Variants in PRCP observed in about 807,000 individuals in gnomAD.
The protein encoded by PRCP is prolylcarboxypeptidase.
Under a neutral mutation model 54.2 loss-of-function variants are expected in PRCP, and 46 were observed. The observed-to-expected ratio is 0.85, with a 90% CI of 0.67 to 1.09. The LOEUF (loss-of-function observed/expected upper bound fraction) is 1.09, where lower values mean the gene tolerates loss of function less well. Among genes scored for constraint, PRCP ranks in the 50% least tolerant of loss-of-function variants. The pLI is 0.00. For missense variants in PRCP, 613 were observed against 596.8 expected (o/e 1.03, Z -0.28); for synonymous variants, 240 against 212.2 (o/e 1.13, Z -1.14).
intron 6 of PRCP, among the ~76,000 whole-genome samples, chr11:82,846,779 T>C (rs898391864): frequency 3.9e-4 from 59 of 152,224 alleles, no homozygotes; most frequent in African/African-American, 1.4e-3. Flanking sequence ...TTTATTCACA[T>C]GTAAGACTGA....
At chr11:82,889,869 G>C (rs1859963063) in intron 1 of PRCP, among the ~76,000 whole-genome samples, 1 of 152,198 alleles carries the variant, frequency 6.6e-6, no homozygotes, top group Admixed American at 6.5e-5. Context: ...TCAACTGGAG[G>C]AGAGGTGATT....
At chr11:82,891,733 C>T (rs1860013149) in intron 1 of PRCP, among the ~76,000 whole-genome samples, 1 of 152,118 alleles carries the variant, frequency 6.6e-6, no homozygotes, top group Non-Finnish European at 1.5e-5. Flanking sequence ...TTCCCCATGC[C>T]TAGAATGCTC....
At chr11:82,843,639 G>T (rs1301623407) in intron 6 of PRCP, among the ~76,000 whole-genome samples, 1 of 152,070 alleles carries the variant, frequency 6.6e-6, no homozygotes, top group African/African-American at 2.4e-5. Flanking sequence ...TATTTATTTT[G>T]TGAGCCCTAG....
chr11:82,859,883 G>C, intron 2 of PRCP, 94 bp downstream of exon 2: 2 of 1,226,108 alleles, frequency 1.6e-6, no homozygotes, highest in Non-Finnish European at 1.1e-6. Flanking sequence ...ATTAAGAACA[G>C]CAATGTTTGG....
At chr11:82,845,315 G>A (rs544725418) in intron 6 of PRCP, among the ~76,000 whole-genome samples, 1 of 151,870 alleles carries the variant, frequency 6.6e-6, no homozygotes, top group South Asian at 2.1e-4. Flanking sequence ...CTACCTATGA[G>A]AGTACACATT....
chr11:82,876,220 G>T (rs1032708888), intron 1 of PRCP, among the ~76,000 whole-genome samples: 3 of 152,156 alleles, frequency 2.0e-5, no homozygotes, highest in Admixed American at 2.0e-4. Context: ...TTGAAATGCT[G>T]ATTGTGCCAC....
At chr11:82,868,116 G>A (rs185103970) in intron 1 of PRCP, among the ~76,000 whole-genome samples, 4 of 152,146 alleles carry the variant, frequency 2.6e-5, no homozygotes, top group Non-Finnish European at 5.9e-5. Flanking sequence ...GGTTACCAGT[G>A]CAGGGGAAAA....
chr11:82,825,118 C>T lies in PRCP; in HGVS notation c.1279G>A (p.Gly427Ser). The T allele has an allele frequency of 6.2e-7, 1 of 1,612,678 alleles. No individual in the cohort carries two copies. Among genetic ancestry groups the T allele is most frequent in the Non-Finnish European group, 8.5e-7 (1 of 1,179,364 alleles). The stretch of plus-strand genomic sequence containing the variant: ...CCTCCTGACCAGGGGTCTAGTTCAC[C>T]ATTGCTGCAAGTGAAAAAAAGAAGA... ...SSHTNIVFSN[G>S]ELDPWSGGGV... Residue 427 changes from glycine (G) to serine (S), a missense_variant, in exon 9 of 9, where the codon GGT becomes AGT. Physicochemically the swap from Gly to Ser is moderately conservative, Grantham distance 56. Transcript: ENST00000313010.
Sources: allele counts gnomAD v4.1 joint callset (sites outside exome capture counted in the v4.1 genomes callset), GRCh38; gene constraint gnomAD v4.1.1; transcripts MANE v1.5; gene names NCBI Gene and HGNC (gene_info 2026-07-23, HGNC 2026-07-21).